PALM2AKAP2: variants seen among roughly 807,000 people sequenced by gnomAD.
PALM2AKAP2 encodes PALM2 and AKAP2 fusion, also known as PALM2-AKAP2 fusion protein.
In PALM2AKAP2, 37 loss-of-function variants were observed where a neutral mutation model predicts 71.5. That is an observed-to-expected ratio of 0.52 (90% CI 0.40 to 0.68). The LOEUF is 0.68. Among genes scored for constraint, PALM2AKAP2 ranks in the 30% least tolerant of loss-of-function variants. The probability of loss-of-function intolerance (pLI) is 0.00; values close to 1 mark genes in which losing one functional copy is unlikely to be tolerated. For missense variants in PALM2AKAP2, 1,224 were observed against 1,191.8 expected (o/e 1.03, Z -0.40); for synonymous variants, 468 against 478.8 (o/e 0.98, Z 0.29).
In PALM2AKAP2 at chr9:110,112,414, C is replaced by T. The variant is rs187461985; in HGVS notation, c.157-23713C>T. On this transcript the variant is annotated intron_variant, in intron 1 of 3. Transcript: ENST00000374525. The stretch of plus-strand genomic sequence containing the variant: ...CTTCAATGTGTTCATCCACAAAATA[C>T]GGATTAGCCCTATTTCACAGAGTTG... Among the ~76,000 whole-genome samples the T allele has an allele frequency of 1.4e-4, 21 of 152,280 alleles. 1 individual carries two copies. The highest frequency in any genetic ancestry group is 2.6e-4 in the Admixed American group (4 of 15,296).
At chr9:110,035,323 T>TTATATGTATAATACATATTATA (rs1199523214) in intron 7 of PALM2AKAP2, among the ~76,000 whole-genome samples, 14 of 143,956 alleles carry the variant, frequency 9.7e-5, no homozygotes, top group African/African-American at 3.1e-4. Flanking sequence ...TACATATGTA[T>TTATATGTATAATACATATTATA]TATATGTATA....
At chr9:109,851,655 C>G (rs776280513) in intron 1 of PALM2AKAP2, among the ~76,000 whole-genome samples, 3 of 152,158 alleles carry the variant, frequency 2.0e-5, no homozygotes, top group Non-Finnish European at 2.9e-5. Context: ...GATGATGGTG[C>G]ACTTCTCCTG....
chr9:109,644,192 T>C (rs1474851317), intron 1 of PALM2AKAP2, among the ~76,000 whole-genome samples: 2 of 152,166 alleles, frequency 1.3e-5, no homozygotes, highest in African/African-American at 4.8e-5. Flanking sequence ...TCACTTAATA[T>C]AGTGAGCTTT....
intron 6 of PALM2AKAP2, among the ~76,000 whole-genome samples, chr9:110,012,045 A>G (rs1832894258): frequency 6.6e-6 from 1 of 152,234 alleles, no homozygotes; most frequent in East Asian, 1.9e-4. Flanking sequence ...CTGTAATCCC[A>G]ACACTTTGGG....
chr9:109,772,232 G>C (rs1829276497), intron 1 of PALM2AKAP2, among the ~76,000 whole-genome samples: 1 of 152,214 alleles, frequency 6.6e-6, no homozygotes, highest in Non-Finnish European at 1.5e-5. Context: ...TCTGCACAGA[G>C]TCCTCACAGA....
intron 1 of PALM2AKAP2, among the ~76,000 whole-genome samples, chr9:109,644,314 G>A (rs12685735): frequency 0.33 from 50,424 of 151,758 alleles, 8,729 homozygotes; most frequent in African/African-American, 0.43. Context: ...ACACTCCCCA[G>A]ATTTCATCTC....
At chr9:109,811,542 A>T (rs894011478) in intron 1 of PALM2AKAP2, among the ~76,000 whole-genome samples, 1 of 152,158 alleles carries the variant, frequency 6.6e-6, no homozygotes, top group Non-Finnish European at 1.5e-5. Context: ...AGTAATAATT[A>T]TCTGCTGTGT....
chr9:110,014,806 GTATATATATATATATATATATA>G (rs34408706), intron 6 of PALM2AKAP2, among the ~76,000 whole-genome samples: 44 of 41,550 alleles, frequency 1.1e-3, no homozygotes, highest in East Asian at 2.9e-3. Context: ...AAAAAAAAAT[GTATATATATATATATATATATA>G]TATATATATA....
At chr9:109,872,232 C>A (rs144332896) in intron 2 of PALM2AKAP2, among the ~76,000 whole-genome samples, 33 of 152,116 alleles carry the variant, frequency 2.2e-4, no homozygotes, top group African/African-American at 7.7e-4. Flanking sequence ...TTCATAGGAA[C>A]AATTATTTAT....
At chr9:109,698,340 T>C (rs376492084) in intron 1 of PALM2AKAP2, among the ~76,000 whole-genome samples, 1 of 147,812 alleles carries the variant, frequency 6.8e-6, no homozygotes, top group African/African-American at 2.6e-5. Flanking sequence ...TGCAATGGCG[T>C]GATCTCAGCT....
intron 1 of PALM2AKAP2, among the ~76,000 whole-genome samples, chr9:109,810,899 C>T (rs1037092510): frequency 2.0e-5 from 3 of 152,014 alleles, no homozygotes; most frequent in African/African-American, 4.8e-5. Flanking sequence ...TGCAGGTGTG[C>T]GGGAGCCTGT....
Position 109,809,265 on chromosome 9 carries a change from C to A in PALM2AKAP2, c.45+28732C>A, listed in dbSNP as rs114817735. ...TTTCAATGCTAGTCCATGAAAGCAACTGGGAGGGGAGCTTTACCCTGCAAA... is the reference window on the plus strand; with the variant it reads ...TTTCAATGCTAGTCCATGAAAGCAAATGGGAGGGGAGCTTTACCCTGCAAA... On this transcript the variant is annotated intron_variant, in intron 1 of 9. Coordinates refer to the PALM2AKAP2 transcript ENST00000302798. Among the ~76,000 whole-genome samples the A allele has an allele frequency of 1.8e-3, 276 of 152,306 alleles. 3 individuals carry two copies. Among genetic ancestry groups the A allele is most frequent in the African/African-American group, 6.5e-3 (272 of 41,558 alleles).
chr9:109,695,975 C>G (rs1011690824), intron 1 of PALM2AKAP2, among the ~76,000 whole-genome samples: 2 of 151,992 alleles, frequency 1.3e-5, no homozygotes, highest in Admixed American at 6.5e-5. Context: ...TATAGTTCAC[C>G]ATAATTTATT....
chr9:110,136,514 C>A (rs754058728), exon 2 of PALM2AKAP2: 2 of 1,613,888 alleles, frequency 1.2e-6, no homozygotes, highest in Non-Finnish European at 1.7e-6. Context: ...CCTAAGCCCC[C>A]CTGTCCACGA....
intron 3 of PALM2AKAP2, among the ~76,000 whole-genome samples, chr9:109,886,517 C>A (rs1417476287): frequency 6.6e-6 from 1 of 152,068 alleles, no homozygotes; most frequent in African/African-American, 2.4e-5. Flanking sequence ...GCAGACCAAC[C>A]CCAGTGAAGA....
intron 1 of PALM2AKAP2, among the ~76,000 whole-genome samples, chr9:109,666,879 G>C (rs898137591): frequency 4.6e-5 from 7 of 152,248 alleles, no homozygotes; most frequent in Admixed American, 3.3e-4. Context: ...GATGTGTTCT[G>C]TGTGTGCAGG....
intron 2 of PALM2AKAP2, among the ~76,000 whole-genome samples, chr9:109,873,478 AAAATAAAATAAAATAAAATTG>A (rs1829653045): frequency 9.8e-6 from 1 of 101,814 alleles, no homozygotes; most frequent in Non-Finnish European, 2.3e-5. Flanking sequence ...AAAATAAAAT[AAAATAAAATAAAATAAAATTG>A]AATTTAGCCA....
At chr9:109,684,942 C>T (rs1253405257) in intron 1 of PALM2AKAP2, among the ~76,000 whole-genome samples, 1 of 152,096 alleles carries the variant, frequency 6.6e-6, no homozygotes, top group Non-Finnish European at 1.5e-5. Flanking sequence ...TGTGGCACAT[C>T]CGTACAATAA....
intron 6 of PALM2AKAP2, among the ~76,000 whole-genome samples, chr9:110,008,756 G>A (rs1284473328): frequency 2.0e-5 from 3 of 151,934 alleles, no homozygotes; most frequent in South Asian, 2.1e-4. Flanking sequence ...CCCTTACACT[G>A]GGGCTTAGGC....
Sources: gnomAD v4.1 joint callset for allele counts (sites outside exome capture counted in the v4.1 genomes callset) on GRCh38, gnomAD v4.1.1 for gene constraint, MANE v1.5 for transcripts, NCBI Gene and HGNC (gene_info 2026-07-23, HGNC 2026-07-21) for gene names.